The following CUTC variants were observed in gnomAD, a reference collection of about 807,000 sequenced individuals.
CUTC encodes copper homeostasis protein cutC homolog.
CUTC carries 27 observed loss-of-function variants against 36.2 expected under a neutral mutation model. The ratio of observed to expected loss-of-function variants is 0.75; its 90% CI spans 0.55 to 1.03. The LOEUF (loss-of-function observed/expected upper bound fraction) is 1.03, where lower values mean the gene tolerates loss of function less well. Ranked by LOEUF, CUTC falls within the 50% of genes least tolerant of loss-of-function variation. The pLI is 0.00. For missense variants in CUTC, 315 were observed against 343.5 expected (o/e 0.92, Z 0.66); for synonymous variants, 114 against 118.3 (o/e 0.96, Z 0.24).
At chr10:99,748,754 T>G (rs180814751) in intron 6 of CUTC, among the ~76,000 whole-genome samples, 3 of 152,292 alleles carry the variant, frequency 2.0e-5, no homozygotes, top group Non-Finnish European at 4.4e-5. Flanking sequence ...TTGGGAGTTA[T>G]CTGTGTAAAA....
intron 3 of CUTC, among the ~76,000 whole-genome samples, chr10:99,740,572 T>C (rs1310294934): frequency 6.6e-6 from 1 of 152,132 alleles, no homozygotes; most frequent in Non-Finnish European, 1.5e-5. Flanking sequence ...TTTTTTATTA[T>C]TGGTTTTGAA....
chr10:99,733,646 G>A (rs929180958), intron 1 of CUTC, among the ~76,000 whole-genome samples: 1 of 152,004 alleles, frequency 6.6e-6, no homozygotes, highest in African/African-American at 2.4e-5. Flanking sequence ...AAAAGAAAAC[G>A]CCTCTCACTT....
chr10:99,738,866 TAATA>T (rs1302041684), intron 2 of CUTC, among the ~76,000 whole-genome samples: 2 of 152,154 alleles, frequency 1.3e-5, no homozygotes, highest in Non-Finnish European at 2.9e-5. Context: ...GCTTTTCACC[TAATA>T]AATTTAGCAA....
At chr10:99,753,736 G>A (rs1259454354) in intron 7 of CUTC, among the ~76,000 whole-genome samples, 1 of 152,112 alleles carries the variant, frequency 6.6e-6, no homozygotes, top group Non-Finnish European at 1.5e-5. Flanking sequence ...AAGGCTCAGT[G>A]ATATTACTGT....
In CUTC at chr10:99,755,837, A is replaced by AC; in HGVS notation, c.*99dup. On this transcript the variant is annotated 3_prime_UTR_variant, in exon 9 of 9. Coordinates refer to ENST00000370476, the MANE Select transcript of CUTC (RefSeq NM_015960.3). ...GCTTTAACCTTCTTCTCTGGCCAGGACAGTCGCAATCTTTGTTTTAAGTTT... is the reference window on the plus strand; with the variant it reads ...GCTTTAACCTTCTTCTCTGGCCAGGACCAGTCGCAATCTTTGTTTTAAGTTT... The AC allele has an allele frequency of 1.4e-6, 1 of 737,626 alleles. No homozygotes were observed. Among genetic ancestry groups the AC allele is most frequent in the Admixed American group, 2.8e-5 (1 of 36,138 alleles). 45.7% of individuals were successfully genotyped at this position (737,626 alleles called of 1,614,324 possible).
chr10:99,740,458 T>A (rs545863834), intron 3 of CUTC, among the ~76,000 whole-genome samples: 2 of 152,130 alleles, frequency 1.3e-5, no homozygotes, highest in Non-Finnish European at 2.9e-5. Context: ...TGAAGATGTT[T>A]TTCCATTGTC....
At chr10:99,742,235 G>A (rs1212309911) in intron 3 of CUTC, among the ~76,000 whole-genome samples, 1 of 152,026 alleles carries the variant, frequency 6.6e-6, no homozygotes, top group African/African-American at 2.4e-5. Flanking sequence ...ATAGGTGGGA[G>A]GGTAAATCCA....
intron 6 of CUTC, among the ~76,000 whole-genome samples, chr10:99,748,772 G>A (rs907754956): frequency 2.6e-5 from 4 of 152,158 alleles, no homozygotes; most frequent in African/African-American, 7.2e-5. Context: ...AAAGTTGGGG[G>A]CAGTGGGAGT....
chr10:99,740,415 T>C (rs1403657652), intron 3 of CUTC, among the ~76,000 whole-genome samples: 2 of 125,758 alleles, frequency 1.6e-5, no homozygotes, highest in African/African-American at 5.9e-5. Flanking sequence ...TTGCTGGGTA[T>C]AGAATTCTAG....
chr10:99,741,406 G>A (rs1258779709), intron 3 of CUTC, among the ~76,000 whole-genome samples: 1 of 152,142 alleles, frequency 6.6e-6, no homozygotes, highest in African/African-American at 2.4e-5. Flanking sequence ...TCTGTCCCAG[G>A]CCTTGCGTAG....
chr10:99,738,930 T>C (rs1257205082), intron 2 of CUTC, among the ~76,000 whole-genome samples: 1 of 152,202 alleles, frequency 6.6e-6, no homozygotes, highest in Non-Finnish European at 1.5e-5. Context: ...TTTTCACTTA[T>C]GAACTAGAAT....
At chr10:99,752,643 T>C (rs2037427866) in intron 7 of CUTC, among the ~76,000 whole-genome samples, 1 of 152,212 alleles carries the variant, frequency 6.6e-6, no homozygotes, top group African/African-American at 2.4e-5. Flanking sequence ...GCAATTGTTA[T>C]CAGCTGTGTG....
At chr10:99,749,615 T>G (rs1278697329) in intron 6 of CUTC, among the ~76,000 whole-genome samples, 1 of 152,134 alleles carries the variant, frequency 6.6e-6, no homozygotes, top group Admixed American at 6.5e-5. Flanking sequence ...CTGAAGTGAT[T>G]TCAGCTTTTT....
rs1429499665 is a variant in CUTC at position 99,755,836 on chromosome 10, G to T, written c.*97G>T. 3 of 739,572 alleles carry T rather than the reference G, an allele frequency of 4.1e-6. No individual in the cohort carries two copies. The highest frequency in any genetic ancestry group is 6.8e-6 in the Non-Finnish European group (3 of 443,762). The allele number at this position is 739,572 out of a possible 1,614,324, so 45.8% of individuals were successfully genotyped here. On this transcript the variant is annotated 3_prime_UTR_variant, in exon 9 of 9. Transcript: ENST00000370476. Reference sequence around the variant, plus strand: ...AGCTTTAACCTTCTTCTCTGGCCAGGACAGTCGCAATCTTTGTTTTAAGTT... The same window carrying T: ...AGCTTTAACCTTCTTCTCTGGCCAGTACAGTCGCAATCTTTGTTTTAAGTT...
Position 99,755,575 on chromosome 10 carries a change from G to T in CUTC, c.708-50G>T, listed in dbSNP as rs1412766837. 5.9e-6 allele frequency: 7 copies of T among 1,189,792 alleles called. No individual in the cohort carries two copies. In the East Asian group the frequency reaches 1.6e-4, roughly 28 times the overall value. The allele number at this position is 1,189,792 out of a possible 1,614,324, so 73.7% of individuals were successfully genotyped here. ...TCTATAAAATGAAGCGGCAGTAGGA[G>T]GGCCCATTTAATAACATAATTATCT... On this transcript the variant is annotated intron_variant, in intron 8 of 8. Transcript: ENST00000370476.
At chr10:99,743,607 A>T (rs2037356500) in intron 4 of CUTC, among the ~76,000 whole-genome samples, 1 of 152,192 alleles carries the variant, frequency 6.6e-6, no homozygotes, top group Non-Finnish European at 1.5e-5. Flanking sequence ...ATAGAAATTT[A>T]AGGGAAATTT....
rs189022962 is a variant in CUTC, at chr10:99,734,227, G to A, written c.61+1818G>A. 7.9e-5 allele frequency among the ~76,000 whole-genome samples: 12 copies of A among 152,100 alleles called. No homozygotes were observed. In the East Asian group the frequency reaches 2.3e-3, roughly 29 times the overall value. On this transcript the variant is annotated intron_variant, in intron 1 of 8. Coordinates refer to ENST00000370476, the MANE Select transcript of CUTC (RefSeq NM_015960.3). Reference sequence around the variant, plus strand: ...TGGGATTACAGGCGCCCGCCACCACGCCCGGCTAATTTATATACTTTTAGT... The same window carrying A: ...TGGGATTACAGGCGCCCGCCACCACACCCGGCTAATTTATATACTTTTAGT...
rs373973830 is a variant in CUTC, at chr10:99,736,136, A to G, written c.62-110A>G. ...ATGGGCCCTAGTGTACTTATCTATT[A>G]CCTGTTATTGGACATTTGCATTTTG... On this transcript the variant is annotated intron_variant, in intron 1 of 8. Transcript: ENST00000370476. 7.7e-6 allele frequency: 6 copies of G among 779,702 alleles called. No homozygotes were observed. In the South Asian group the frequency reaches 7.8e-5, roughly 10 times the overall value. The allele number at this position is 779,702 out of a possible 1,614,324, so 48.3% of individuals were successfully genotyped here. A position where few individuals can be genotyped will look rare whatever the true frequency, so the allele number is the denominator to read the frequency against.
At chr10:99,736,454 C>T in intron 2 of CUTC, 137 bp downstream of exon 2, 1 of 628,488 alleles carries the variant, frequency 1.6e-6, no homozygotes. Context: ...CAATTAGAAA[C>T]CCTACTGGAA....
Sources: gnomAD v4.1 joint callset for allele counts (sites outside exome capture counted in the v4.1 genomes callset) on GRCh38, gnomAD v4.1.1 for gene constraint, MANE v1.5 for transcripts, NCBI Gene and HGNC (gene_info 2026-07-23, HGNC 2026-07-21) for gene names.